Variants in VILL observed in about 807,000 individuals in gnomAD.
VILL encodes villin like, also known as villin-like protein.
In VILL, 102 loss-of-function variants were observed where a neutral mutation model predicts 106.3. That is an observed-to-expected ratio of 0.96 (90% confidence interval 0.82 to 1.13). VILL has a LOEUF of 1.13. VILL is among the 50% of genes most tolerant of loss of function. The pLI, the probability that VILL is intolerant of heterozygous loss-of-function variation, is 0.00. For missense variants in VILL, 1,076 were observed against 1,116.6 expected (o/e 0.96, Z 0.52); for synonymous variants, 431 against 440.3 (o/e 0.98, Z 0.27).
At position 38,001,555 on chromosome 3, in the gene VILL, A is replaced by C; in HGVS notation, c.1282A>C (p.Arg428=). 1 of 1,614,210 alleles carries C rather than the reference A, an allele frequency of 6.2e-7. No individual in the cohort carries two copies. Among genetic ancestry groups the C allele is most frequent in the African/African-American group, 1.3e-5 (1 of 75,054 alleles). Residue 428 remains arginine (R), a synonymous_variant, in exon 12 of 20, where the codon AGG becomes CGG. Transcript: ENST00000383759. ...CTACCTTGTGCTCTACACATACCAG[A>C]GGCTGGGCCGTGTCCAGTACATCCT... ...NCYLVLYTYQ[R]LGRVQYILYL... is the part of the protein sequence containing the mutation.
At chr3:37,999,268 G>A in intron 10 of VILL, 71 bp from the exon 11 acceptor site, 4 of 1,291,758 alleles carry the variant, frequency 3.1e-6, no homozygotes, top group Non-Finnish European at 3.1e-6. Flanking sequence ...GATGGTTGAG[G>A]AGTGGGCGGG....
Position 38,006,364 on chromosome 3 carries a change from G to T in VILL, c.2206-85G>T. 2.5e-6 allele frequency: 4 copies of T among 1,598,144 alleles called. No homozygotes were observed. The South Asian group carries it at 3.4e-5, about 13-fold the overall frequency. On this transcript the variant is annotated intron_variant, in intron 18 of 19. Coordinates refer to ENST00000383759, the MANE Select transcript of VILL (RefSeq NM_015873.4). ...GTAAGTGGGAGGGGCTGCAGTTGGA[G>T]GTAAGAGGCCTGTGGGTTCAGTGCA...
chr3:37,991,235 A>C, intron 1 of VILL: 1 of 153,504 alleles, frequency 6.5e-6, no homozygotes, highest in South Asian at 2.1e-4. Flanking sequence ...AGGGAGAGAA[A>C]GAGGCACTGG....
At position 38,001,590 on chromosome 3, in the gene VILL, G is replaced by A; in HGVS notation, c.1317G>A (p.Trp439Ter). The A allele has an allele frequency of 2.5e-6, 4 of 1,614,102 alleles. No individual in the cohort carries two copies. Among genetic ancestry groups the A allele is most frequent in the Non-Finnish European group, 3.4e-6 (4 of 1,180,012 alleles). ...GTGTCCAGTACATCCTGTACCTATG[G>A]CAGGTGTGCCAGCCTGAGGGAGGCA... ...LGRVQYILYL[W>*]QGHQATADEI... The change falls in exon 12 of 20, where the codon TGG becomes TGA. Residue 439 changes from tryptophan to a stop codon, truncating the protein, a stop_gained. Coordinates refer to ENST00000383759, the MANE Select transcript of VILL (RefSeq NM_015873.4). LOFTEE classifies it high-confidence loss of function.
chr3:37,999,767 A>G (rs1699780489), intron 11 of VILL, among the ~76,000 whole-genome samples: 1 of 152,222 alleles, frequency 6.6e-6, no homozygotes, highest in African/African-American at 2.4e-5. Context: ...GTAATTGCAC[A>G]TAATCACAGC....
chr3:38,003,911 C>G (rs1421741490), intron 15 of VILL: 3 of 230,554 alleles, frequency 1.3e-5, no homozygotes, highest in Admixed American at 5.0e-5. Context: ...CACTTTGGGC[C>G]GGAGACCTAC....
intron 15 of VILL, chr3:38,003,537 A>C (rs1699859719): frequency 3.6e-6 from 2 of 559,840 alleles, no homozygotes; most frequent in African/African-American, 1.9e-5. Flanking sequence ...GGCAGTGGCG[A>C]CCTCTGCTGG....
Position 37,998,859 on chromosome 3 carries a change from AG to A in VILL, c.943-52del. The A allele has an allele frequency of 6.4e-7, 1 of 1,554,558 alleles. No individual in the cohort carries two copies. Among genetic ancestry groups the A allele is most frequent in the Non-Finnish European group, 8.8e-7 (1 of 1,142,794 alleles). On this transcript the variant is annotated intron_variant, in intron 9 of 19. Coordinates refer to ENST00000383759, the MANE Select transcript of VILL (RefSeq NM_015873.4). This position sits in a 1 kb window ranked among gnomAD's most constrained non-coding sequence, Gnocchi z 4.1. ...AGAGCGGTAGGTCCCCAGGAGCGGC[AG>A]TGGGGCAGTGGACTCTCAGGGTCGC...
intron 1 of VILL, 103 bp from the exon 2 acceptor site, chr3:37,993,484 C>T (rs1314807026): frequency 1.6e-6 from 1 of 611,172 alleles, no homozygotes; most frequent in Admixed American, 3.0e-5. Context: ...CTCATATCAG[C>T]TGAGCCTGTC....
chr3:37,997,311 G>C lies in VILL; in HGVS notation c.561+124G>C. ...CTGCTACAACCCAAGAAACGCCTAT[G>C]AGTTACAAGCTGAGTTCAGACCCTG... is the stretch of plus-strand genomic sequence containing the variant. On this transcript the variant is annotated intron_variant, in intron 6 of 19. Transcript: ENST00000383759. The surrounding 1 kb of genome is among the most constrained non-coding windows in gnomAD (Gnocchi z 4.7). The C allele has an allele frequency of 8.3e-7, 1 of 1,204,908 alleles. No homozygotes were observed. The highest frequency in any genetic ancestry group is 1.2e-6 in the Non-Finnish European group (1 of 844,026). 74.6% of individuals were successfully genotyped at this position (1,204,908 alleles called of 1,614,324 possible).
intron 16 of VILL, 140 bp downstream of exon 16, chr3:38,004,539 T>G: frequency 9.2e-6 from 10 of 1,089,302 alleles, no homozygotes; most frequent in Admixed American, 2.5e-5. Flanking sequence ...AGCAATTGCA[T>G]TGCGGTGCAT....
chr3:38,006,339 G>GT (rs1699923120), intron 18 of VILL, 87 bp downstream of exon 18: 13 of 1,606,542 alleles, frequency 8.1e-6, no homozygotes, highest in Middle Eastern at 1.7e-4. Context: ...CCAGGCCCTT[G>GT]TAAGTGGGAG....
At chr3:38,005,393 T>G (rs1699896303) in intron 16 of VILL, among the ~76,000 whole-genome samples, 1 of 152,184 alleles carries the variant, frequency 6.6e-6, no homozygotes, top group Admixed American at 6.5e-5. Context: ...GTTAGGACAC[T>G]TTTCCTCCAG....
rs1699652555 is a variant in VILL at position 37,993,973 on chromosome 3, G to C, written c.135+1G>C. 1 of 1,614,066 alleles carries C rather than the reference G, an allele frequency of 6.2e-7. No individual in the cohort carries two copies. The highest frequency in any genetic ancestry group is 1.7e-5 in the Admixed American group (1 of 60,010). On this transcript the variant is annotated splice_donor_variant, in intron 3 of 19. Transcript: ENST00000383759. LOFTEE classifies it high-confidence loss of function. ...GGAACACTGCTATGTCATCCTCCACGTGAGTCGCTTGGGGAAGTCTGCCTG... is the reference window on the plus strand; with the variant it reads ...GGAACACTGCTATGTCATCCTCCACCTGAGTCGCTTGGGGAAGTCTGCCTG...
chr3:37,989,138 G>C (rs772746911), upstream of VILL, among the ~76,000 whole-genome samples: 1 of 152,178 alleles, frequency 6.6e-6, no homozygotes, highest in Non-Finnish European at 1.5e-5. Context: ...CGGGCCAGTG[G>C]CTTGCGGGAG....
chr3:38,006,304 A>G, intron 18 of VILL, 52 bp downstream of exon 18: 1 of 1,612,978 alleles, frequency 6.2e-7, no homozygotes, highest in Non-Finnish European at 8.5e-7. Flanking sequence ...CTCCGACAGC[A>G]TGGTCCTGAT....
chr3:37,994,489 C>A, intron 4 of VILL, 23 bp downstream of exon 4: 1 of 1,601,516 alleles, frequency 6.2e-7, no homozygotes, highest in Non-Finnish European at 8.5e-7. Flanking sequence ...GCGACCGGGG[C>A]AGGAGGGAGC....
At chr3:38,000,455 G>C (rs967160089) in intron 11 of VILL, among the ~76,000 whole-genome samples, 1 of 151,946 alleles carries the variant, frequency 6.6e-6, no homozygotes, top group Non-Finnish European at 1.5e-5. Flanking sequence ...AGGGAGAGAG[G>C]GGGTACAGGG....
chr3:37,997,721 C>T lies in VILL; in HGVS notation c.764+36C>T, dbSNP rs760249624. On this transcript the variant is annotated intron_variant, in intron 7 of 19. Coordinates refer to ENST00000383759, the MANE Select transcript of VILL (RefSeq NM_015873.4). This position sits in a 1 kb window ranked among gnomAD's most constrained non-coding sequence, Gnocchi z 4.7. The stretch of plus-strand genomic sequence containing the variant: ...CTGGGGTGGGCAGGGGTGGGTGGGA[C>T]AGTCCAGGACTCTGTGTCCATCACT... 3 of 1,571,896 alleles carry T rather than the reference C, an allele frequency of 1.9e-6. No individual in the cohort carries two copies. Among genetic ancestry groups the T allele is most frequent in the Non-Finnish European group, 2.6e-6 (3 of 1,155,014 alleles).
Sources: allele counts gnomAD v4.1 joint callset (sites outside exome capture counted in the v4.1 genomes callset), GRCh38; gene constraint gnomAD v4.1.1; non-coding constraint Gnocchi (gnomAD v3.1); transcripts MANE v1.5; gene names NCBI Gene and HGNC (gene_info 2026-07-23, HGNC 2026-07-21).